The following PXDN variants were observed in gnomAD, a reference collection of about 807,000 sequenced individuals.
PXDN encodes peroxidasin.
PXDN carries 77 observed loss-of-function variants against 140.3 expected under a neutral mutation model. That is an observed-to-expected ratio of 0.55 (90% CI 0.46 to 0.66). PXDN has a LOEUF of 0.66. PXDN is among the 30% of genes least tolerant of loss of function. The pLI is 0.00. For missense variants in PXDN, 1,838 were observed against 2,039.5 expected (o/e 0.90, Z 1.90); for synonymous variants, 911 against 857.4 (o/e 1.06, Z -1.09).
intron 1 of PXDN, among the ~76,000 whole-genome samples, chr2:1,732,409 G>T (rs1572202327): frequency 6.6e-6 from 1 of 151,698 alleles, no homozygotes; most frequent in Non-Finnish European, 1.5e-5. Flanking sequence ...AGGGATCACA[G>T]GGTCACACAC....
rs185254722 is a variant in PXDN, at chr2:1,709,235, G to C, written c.201-16101C>G. 4.2e-4 allele frequency among the ~76,000 whole-genome samples: 64 copies of C among 152,344 alleles called. No homozygotes were observed. In the East Asian group the frequency reaches 0.012, roughly 28 times the overall value. On this transcript the variant is annotated intron_variant, in intron 1 of 22. Coordinates refer to ENST00000252804, the MANE Select transcript of PXDN (RefSeq NM_012293.3). ...GACCACGAGCACTGCTGTTCGGTGA[G>C]GAGGAGGCCAGGCACCAGCAGGTGA...
intron 14 of PXDN, among the ~76,000 whole-genome samples, chr2:1,658,905 G>C (rs139700253): frequency 6.6e-6 from 1 of 150,438 alleles, no homozygotes; most frequent in Non-Finnish European, 1.5e-5. Flanking sequence ...TTCCCCCTCC[G>C]GCCCATGCCT....
At chr2:1,643,637 A>G in intron 18 of PXDN, 61 bp from the exon 19 acceptor site, 2 of 1,573,550 alleles carry the variant, frequency 1.3e-6, no homozygotes, top group East Asian at 2.2e-5. Flanking sequence ...GGTCACTAGG[A>G]GCTGAGTTAA....
chr2:1,649,043 A>G lies in PXDN; in HGVS notation c.2737T>C (p.Ser913Pro). 6.2e-7 allele frequency: 1 copy of G among 1,612,550 alleles called. No individual in the cohort carries two copies. The highest frequency in any genetic ancestry group is 8.5e-7 in the Non-Finnish European group (1 of 1,179,694). The change falls in exon 17 of 23, where the codon TCC (serine) becomes CCC (proline). Residue 913 changes from serine to proline, a missense_variant. By Grantham distance (74) the Ser-to-Pro change is moderately conservative (BLOSUM62 -1). Transcript: ENST00000252804. The surrounding 1 kb of genome is among the most constrained non-coding windows in gnomAD (Gnocchi z 7.1). ...INQLTSYIDA[S>P]NVYGSTEHEA... ...TGCTCCGTGCTCCCGTACACGTTGG[A>G]TGCGTCTATGTAGGAGGTGAGCTGG...
At chr2:1,642,311 C>G (rs1682746988) in intron 19 of PXDN, among the ~76,000 whole-genome samples, 1 of 152,174 alleles carries the variant, frequency 6.6e-6, no homozygotes, top group Non-Finnish European at 1.5e-5. Flanking sequence ...TAAAACACAG[C>G]TCTATTATCA....
intron 11 of PXDN, chr2:1,664,692 AG>A: frequency 2.3e-6 from 1 of 437,744 alleles, no homozygotes; most frequent in Admixed American, 3.7e-5. Context: ...AGGGAGTCAA[AG>A]GCAGGAACCC....
rs183196973 is a variant in PXDN, at chr2:1,680,275, C to T, written c.648G>A (p.Ala216=). ...GATATTCACAGATGGCCGCTGCCTG[C>T]GCGTTCCCCGACTCCGCGTAGGTTT... ...LLKTYAESGN[A]QAAAICEYPR... The change falls in exon 7 of 23, where the codon GCG becomes GCA. Residue 216 remains alanine (A), a synonymous_variant. Transcript: ENST00000252804. 366 of 1,613,864 alleles carry T rather than the reference C, an allele frequency of 2.3e-4. 1 individual carries two copies. In the African/African-American group the frequency reaches 4.0e-3, roughly 18 times the overall value.
intron 5 of PXDN, 48 bp from the exon 6 acceptor site, chr2:1,683,775 A>G: frequency 7.0e-7 from 1 of 1,430,260 alleles, no homozygotes; most frequent in South Asian, 1.3e-5. Flanking sequence ...AATATTTCTT[A>G]AAATGTGTAG....
Position 1,744,514 on chromosome 2 carries a change from G to A in PXDN, c.-59C>T. Reference sequence around the variant, plus strand: ...GAGCCACCACGGCCGGCTCCCGACTGCGCCCGCCCGGCCGCGGCCCACGTC... The same window carrying A: ...GAGCCACCACGGCCGGCTCCCGACTACGCCCGCCCGGCCGCGGCCCACGTC... On this transcript the variant is annotated 5_prime_UTR_variant, in exon 1 of 23. Transcript: ENST00000252804. 7 of 1,298,866 alleles carry A rather than the reference G, an allele frequency of 5.4e-6. No homozygotes were observed. The highest frequency in any genetic ancestry group is 2.2e-5 in the South Asian group (1 of 44,616). 80.5% of individuals were successfully genotyped at this position (1,298,866 alleles called of 1,614,324 possible).
In PXDN at chr2:1,648,303, G is replaced by T. The variant is rs1323188578; in HGVS notation, c.3477C>A (p.Ile1159=). The part of the protein sequence containing the change: ...TVALDLAAIN[I]QRGRDHGIPP... ...GGATCCCGTGGTCCCGGCCCCGCTG[G>T]ATGTTGATGGCCGCCAGGTCCAGAG... Residue 1159 remains isoleucine, a synonymous_variant, in exon 17 of 23, where the codon ATC becomes ATA. Coordinates refer to ENST00000252804, the MANE Select transcript of PXDN (RefSeq NM_012293.3). The surrounding 1 kb of genome is among the most constrained non-coding windows in gnomAD (Gnocchi z 8.9). 3.3e-5 allele frequency: 53 copies of T among 1,613,836 alleles called. No homozygotes were observed. The highest frequency in any genetic ancestry group is 4.2e-5 in the Non-Finnish European group (49 of 1,179,900).
In PXDN at chr2:1,653,708, G is replaced by T. The variant is rs748218911; in HGVS notation, c.2024C>A (p.Ala675Glu). Residue 675 changes from alanine (A) to glutamate (E), a missense_variant, in exon 16 of 23, where the codon GCG (alanine) becomes GAG (glutamate). This residue lies in a region of PXDN where 537 missense variants were observed against 583.9 expected (regional missense o/e 0.92). Transcript: ENST00000252804. ...RDPYTVEQAR[A>E]GEIFERTLQL... is the part of the protein sequence containing the mutation. Reference sequence around the variant, plus strand: ...CAATGTCCGTTCAAAGATTTCTCCCGCCCGTGCCTGTTCAACTGTGTAAGG... The same window carrying T: ...CAATGTCCGTTCAAAGATTTCTCCCTCCCGTGCCTGTTCAACTGTGTAAGG... The T allele has an allele frequency of 1.2e-6, 2 of 1,605,968 alleles. No homozygotes were observed. Among genetic ancestry groups the T allele is most frequent in the Admixed American group, 1.7e-5 (1 of 58,944 alleles).
intron 1 of PXDN, among the ~76,000 whole-genome samples, chr2:1,702,991 GGGGGA>G (rs1684473892): frequency 4.7e-5 from 4 of 85,644 alleles, no homozygotes; most frequent in East Asian, 6.2e-4. Flanking sequence ...CAGGTGAAGG[GGGGGA>G]CAACTCCAGG....
chr2:1,658,099 A>C (rs1454353537), intron 14 of PXDN, among the ~76,000 whole-genome samples: 2 of 118,340 alleles, frequency 1.7e-5, no homozygotes, highest in African/African-American at 3.8e-5. Context: ...TCTCTGTTAC[A>C]GTGTCTGCGT....
chr2:1,712,088 C>G (rs1285728955), intron 1 of PXDN, among the ~76,000 whole-genome samples: 1 of 150,738 alleles, frequency 6.6e-6, no homozygotes, highest in Non-Finnish European at 1.5e-5. Context: ...TAAAAAAAAG[C>G]CATTTTTTCT....
chr2:1,660,828 C>T lies in PXDN; in HGVS notation c.1837+53G>A, dbSNP rs902278474. The T allele has an allele frequency of 1.3e-5, 20 of 1,568,262 alleles. No homozygotes were observed. Among genetic ancestry groups the T allele is most frequent in the Middle Eastern group, 2.3e-4 (1 of 4,320 alleles). On this transcript the variant is annotated intron_variant, in intron 14 of 22. Transcript: ENST00000252804. This position sits in a 1 kb window ranked among gnomAD's most constrained non-coding sequence, Gnocchi z 4.6. ...GGCCTGGGACCACACTAGGGACCTG[C>T]GGGCTTTCTTTGTGGATACCATGTG...
chr2:1,696,178 G>A (rs933936363), intron 1 of PXDN, among the ~76,000 whole-genome samples: 1 of 152,234 alleles, frequency 6.6e-6, no homozygotes, highest in African/African-American at 2.4e-5. Flanking sequence ...TTGGCATGCA[G>A]AGTTCAATAA....
chr2:1,687,783 A>C lies in PXDN; in HGVS notation c.345-80T>G. Reference sequence around the variant, plus strand: ...GACGGAAAAGAAGAATTAAATTGACACATGGAGACAGTTTTACAATTAATG... The same window carrying C: ...GACGGAAAAGAAGAATTAAATTGACCCATGGAGACAGTTTTACAATTAATG... On this transcript the variant is annotated intron_variant, in intron 3 of 22. Transcript: ENST00000252804. The surrounding 1 kb of genome is among the most constrained non-coding windows in gnomAD (Gnocchi z 4.0). 1 of 1,072,156 alleles carries C rather than the reference A, an allele frequency of 9.3e-7. No individual in the cohort carries two copies. Among genetic ancestry groups the C allele is most frequent in the East Asian group, 2.6e-5 (1 of 38,292 alleles). The allele number at this position is 1,072,156 out of a possible 1,614,324, so 66.4% of individuals were successfully genotyped here. A position where few individuals can be genotyped will look rare whatever the true frequency, so the allele number is the denominator to read the frequency against.
At position 1,649,346 on chromosome 2, in the gene PXDN, C is replaced by T. The variant is rs760678072; in HGVS notation, c.2434G>A (p.Glu812Lys). ...LIGTETVTPD[E>K]QFTHMLMQWG... is the part of the protein sequence containing the mutation. ...TGCATCAGCATGTGGGTGAACTGCT[C>T]GTCGGGTGTGACGGTCTCCGTCCCG... is the stretch of plus-strand genomic sequence containing the variant. Residue 812 changes from glutamate to lysine, a missense_variant, in exon 17 of 23, where the codon GAG becomes AAG. This residue lies in a region of PXDN where 537 missense variants were observed against 583.9 expected (regional missense o/e 0.92). Transcript: ENST00000252804. The surrounding 1 kb of genome is among the most constrained non-coding windows in gnomAD (Gnocchi z 7.1). 1 of 1,613,892 alleles carries T rather than the reference C, an allele frequency of 6.2e-7. No individual in the cohort carries two copies. Among genetic ancestry groups the T allele is most frequent in the East Asian group, 2.2e-5 (1 of 44,854 alleles).
chr2:1,699,577 G>T (rs1684374700), intron 1 of PXDN, among the ~76,000 whole-genome samples: 1 of 152,144 alleles, frequency 6.6e-6, no homozygotes, highest in Admixed American at 6.5e-5. Flanking sequence ...GGGCGTGGTG[G>T]TGGGTGCCTG....
Sources: gnomAD v4.1 joint callset for allele counts (sites outside exome capture counted in the v4.1 genomes callset) on GRCh38, gnomAD v4.1.1 for gene constraint, gnomAD v4.1.1 regional missense constraint, Gnocchi (gnomAD v3.1) non-coding constraint, MANE v1.5 for transcripts, NCBI Gene and HGNC (gene_info 2026-07-23, HGNC 2026-07-21) for gene names.